Variants in CSF1R observed in about 807,000 individuals in gnomAD.
CSF1R encodes macrophage colony-stimulating factor 1 receptor.
CSF1R carries 40 observed loss-of-function variants against 110.0 expected under a neutral mutation model. The ratio of observed to expected loss-of-function variants is 0.36; its 90% CI spans 0.28 to 0.47. CSF1R has a LOEUF of 0.47. Among genes scored for constraint, CSF1R ranks in the 20% least tolerant of loss-of-function variants. The pLI is 0.99. For synonymous variants in CSF1R, 523 were observed against 503.4 expected, an observed-to-expected ratio of 1.04 and a Z score of -0.52; for missense variants, 1,052 against 1,253.0, an observed-to-expected ratio of 0.84 and a Z score of 2.42.
At chr5:150,078,293 A>G in intron 3 of CSF1R, 45 bp from the exon 4 acceptor site, 1 of 1,608,596 alleles carries the variant, frequency 6.2e-7, no homozygotes, top group Non-Finnish European at 8.5e-7. Flanking sequence ...CTCCCTGAAC[A>G]TGATAGAGAT....
intron 1 of CSF1R, among the ~76,000 whole-genome samples, chr5:150,083,837 C>T (rs1327909371): frequency 6.6e-6 from 1 of 152,152 alleles, no homozygotes; most frequent in Non-Finnish European, 1.5e-5. Context: ...TTTACTGAAC[C>T]GAGATAATTG....
intron 1 of CSF1R, among the ~76,000 whole-genome samples, chr5:150,085,647 T>A (rs1162227020): frequency 1.3e-5 from 2 of 152,044 alleles, no homozygotes; most frequent in African/African-American, 4.8e-5. Context: ...CACTGGCCTC[T>A]TCCCAATCCC....
Position 150,070,522 on chromosome 5 carries a change from G to A in CSF1R, c.1132C>T (p.Arg378Cys), listed in dbSNP as rs570645140. 3.0e-5 allele frequency: 47 copies of A among 1,553,076 alleles called. No homozygotes were observed. The South Asian group carries it at 4.9e-4, about 16-fold the overall frequency. Residue 378 changes from arginine to cysteine, a missense_variant, in exon 7 of 21, where the codon CGC (arginine) becomes TGC (cysteine). Physicochemically the swap from Arg to Cys is radical, Grantham distance 180. Transcript: ENST00000675795. ...LPRLKPSEAGRYSFLARNPGG... is the reference protein window; with the variant it reads ...LPRLKPSEAGCYSFLARNPGG... Reference sequence around the variant, plus strand: ...GGGTTTCTGGCCAGGAAGGAGTAGCGGCCAGCCTCAGAGGGCTTCAGGCGG... The same window carrying A: ...GGGTTTCTGGCCAGGAAGGAGTAGCAGCCAGCCTCAGAGGGCTTCAGGCGG...
At chr5:150,073,541 T>A (rs1172699170) in intron 5 of CSF1R, 48 bp from the exon 6 acceptor site, 7 of 1,571,548 alleles carry the variant, frequency 4.5e-6, no homozygotes, top group Non-Finnish European at 6.1e-6. Flanking sequence ...GAAGATGTCC[T>A]TGTTTATTTG....
chr5:150,100,213 C>T (rs182405037), intron 1 of CSF1R, among the ~76,000 whole-genome samples: 1 of 150,120 alleles, frequency 6.7e-6, no homozygotes, highest in African/African-American at 2.4e-5. Context: ...ATCATATGGA[C>T]ACTTGACAGA....
intron 13 of CSF1R, among the ~76,000 whole-genome samples, 162 bp downstream of exon 13, chr5:150,060,700 A>G (rs1269851800): frequency 2.6e-5 from 4 of 152,138 alleles, no homozygotes; most frequent in Non-Finnish European, 5.9e-5. Flanking sequence ...TGACTATTCC[A>G]GGAGATGGGC....
chr5:150,068,699 G>C (rs200271686), intron 9 of CSF1R, among the ~76,000 whole-genome samples: 1 of 152,164 alleles, frequency 6.6e-6, no homozygotes, highest in Non-Finnish European at 1.5e-5. Flanking sequence ...CAGGAAGCTC[G>C]TTCAGAAAGG....
rs915120384 is a variant in CSF1R at position 150,070,589 on chromosome 5, G to C, written c.1083-18C>G. 9.4e-6 allele frequency: 14 copies of C among 1,485,014 alleles called. No homozygotes were observed. In the Admixed American group the frequency reaches 1.5e-4, roughly 15 times the overall value. 92.0% of individuals were successfully genotyped at this position (1,485,014 alleles called of 1,614,324 possible). ...AGGTGTGCCTGCAGGAGAGAATCAG[G>C]TGGTGTTGGTGAGCCCCAGCCTAGT... On this transcript the variant is annotated intron_variant, in intron 6 of 20. Transcript: ENST00000675795.
chr5:150,073,572 T>C lies in CSF1R; in HGVS notation c.890-79A>G, dbSNP rs1049615504. 2.1e-6 allele frequency: 3 copies of C among 1,458,692 alleles called. No individual in the cohort carries two copies. In the African/African-American group the frequency reaches 4.2e-5, roughly 20 times the overall value. 90.4% of individuals were successfully genotyped at this position (1,458,692 alleles called of 1,614,324 possible). A position where few individuals can be genotyped will look rare whatever the true frequency, so the allele number is the denominator to read the frequency against. ...ATTTGTCCATTTTGTCATCCACCCA[T>C]TGATCCAGTCCCTGAGCAGCTATGT... On this transcript the variant is annotated intron_variant, in intron 5 of 20. Coordinates refer to ENST00000675795, the MANE Select transcript of CSF1R (RefSeq NM_001288705.3).
chr5:150,075,689 T>C (rs925449442), intron 5 of CSF1R, among the ~76,000 whole-genome samples: 27 of 152,214 alleles, frequency 1.8e-4, no homozygotes, highest in African/African-American at 6.5e-4. Flanking sequence ...TTGTTGTATC[T>C]GTTTCACTTG....
At chr5:150,092,022 A>G (rs1759059882) in intron 1 of CSF1R, among the ~76,000 whole-genome samples, 1 of 152,252 alleles carries the variant, frequency 6.6e-6, no homozygotes, top group Non-Finnish European at 1.5e-5. Flanking sequence ...AAAGATAACT[A>G]TTTAAAACAG....
intron 5 of CSF1R, among the ~76,000 whole-genome samples, chr5:150,074,031 G>T (rs1201383380): frequency 6.6e-6 from 1 of 152,102 alleles, no homozygotes; most frequent in Non-Finnish European, 1.5e-5. Context: ...CATGATTTTT[G>T]TTAAGACTCT....
intron 14 of CSF1R, chr5:150,058,367 T>C (rs556840142): frequency 3.3e-5 from 15 of 455,704 alleles, no homozygotes; most frequent in Admixed American, 7.1e-5. Flanking sequence ...GATTTCTCTC[T>C]CCCTCCTGTC....
chr5:150,057,613 G>T (rs1329148410), intron 14 of CSF1R, 21 bp from the exon 15 acceptor site: 1 of 1,597,986 alleles, frequency 6.3e-7, no homozygotes, highest in South Asian at 1.1e-5. Flanking sequence ...GAGAGGGTTG[G>T]GGGGCAGAGG....
At chr5:150,085,277 G>GAAAAAAAAAAAAAAAAAAAAAAA (rs70973563) in intron 1 of CSF1R, among the ~76,000 whole-genome samples, 1 of 92,460 alleles carries the variant, frequency 1.1e-5, no homozygotes, top group Non-Finnish European at 2.0e-5. Flanking sequence ...TCTGTCTCAG[G>GAAAAAAAAAAAAAAAAAAAAAAA]AAAAAAAAAA....
intron 9 of CSF1R, among the ~76,000 whole-genome samples, chr5:150,069,660 T>A (rs1032405235): frequency 6.6e-6 from 1 of 152,100 alleles, no homozygotes; most frequent in African/African-American, 2.4e-5. Context: ...CTCTGCTTTC[T>A]CAGAGACTAC....
At position 150,059,868 on chromosome 5, in the gene CSF1R, G is replaced by A. The variant is rs961923726; in HGVS notation, c.1970-6C>T. 6.2e-7 allele frequency: 1 copy of A among 1,603,548 alleles called. No individual in the cohort carries two copies. The highest frequency in any genetic ancestry group is 8.5e-7 in the Non-Finnish European group (1 of 1,171,672). On this transcript the variant is annotated splice_region_variant and splice_polypyrimidine_tract_variant and intron_variant, in intron 13 of 20. Transcript: ENST00000675795. ...CGTGATGACCAGTACAGGGCCTAGA[G>A]CAGCCAAGGGTGTGGGGTGAGGGAG...
chr5:150,078,173 A>G lies in CSF1R; in HGVS notation c.668T>C (p.Val223Ala), dbSNP rs1410185875. The G allele has an allele frequency of 1.2e-6, 2 of 1,614,112 alleles. No individual in the cohort carries two copies. The highest frequency in any genetic ancestry group is 3.3e-5 in the Admixed American group (2 of 60,010). Reference protein sequence around the residue: ...VRIRGEAAQIVCSASSVDVNF... With the variant: ...VRIRGEAAQIACSASSVDVNF... ...AACATCAACGCTGCTGGCTGAGCACACGATCTGGGCAGCCTCCCCTCGAAT... is the reference window on the plus strand; with the variant it reads ...AACATCAACGCTGCTGGCTGAGCACGCGATCTGGGCAGCCTCCCCTCGAAT... Residue 223 changes from valine to alanine, a missense_variant, in exon 4 of 21, where the codon GTG becomes GCG. By Grantham distance (64) the Val-to-Ala change is moderately conservative (BLOSUM62 0). Around this residue, in one of 5 missense-constraint regions of CSF1R, gnomAD observed 693 missense variants for 735.4 expected, o/e 0.94. Transcript: ENST00000675795.
At chr5:150,101,660 CT>C (rs34618542) in intron 1 of CSF1R, among the ~76,000 whole-genome samples, 42,523 of 139,874 alleles carry the variant, frequency 0.3, 6,186 homozygotes, top group East Asian at 0.44. Flanking sequence ...TCCTTGCCTT[CT>C]TTTTTTTTTT....
Sources: allele counts gnomAD v4.1 joint callset (sites outside exome capture counted in the v4.1 genomes callset), GRCh38; gene constraint gnomAD v4.1.1; regional missense constraint gnomAD v4.1.1; transcripts MANE v1.5; gene names NCBI Gene and HGNC (gene_info 2026-07-23, HGNC 2026-07-21).